The following PDLIM5 variants were observed in gnomAD, a reference collection of about 807,000 sequenced individuals.
The protein encoded by PDLIM5 is PDZ and LIM domain 5.
A neutral mutation model predicts 64.2 loss-of-function variants in PDLIM5; 34 were observed. That is an observed-to-expected ratio of 0.53 (90% confidence interval 0.40 to 0.71). The LOEUF (loss-of-function observed/expected upper bound fraction) is 0.71. Among genes scored for constraint, PDLIM5 ranks in the 30% least tolerant of loss-of-function variants. The pLI is 0.00. For synonymous variants in PDLIM5, 253 were observed against 269.1 expected (o/e 0.94, Z 0.59); for missense variants, 683 against 733.6 (o/e 0.93, Z 0.80).
chr4:94,621,118 T>A (rs1253840817), intron 8 of PDLIM5, among the ~76,000 whole-genome samples: 1 of 144,698 alleles, frequency 6.9e-6, no homozygotes, highest in African/African-American at 2.5e-5. Context: ...ATTTCTATTG[T>A]GTTGGAAAGA....
chr4:94,482,794 C>G (rs1218872048), intron 2 of PDLIM5, among the ~76,000 whole-genome samples: 1 of 152,068 alleles, frequency 6.6e-6, no homozygotes, highest in Admixed American at 6.6e-5. Flanking sequence ...GAGGCTGAGG[C>G]AGGAGAATCA....
intron 5 of PDLIM5, among the ~76,000 whole-genome samples, chr4:94,581,598 A>G (rs1242554676): frequency 6.6e-6 from 1 of 152,158 alleles, no homozygotes; most frequent in East Asian, 1.9e-4. Flanking sequence ...TGAGTTTATG[A>G]AACTGATTTT....
Position 94,665,988 on chromosome 4 carries a change from T to G in PDLIM5, c.*1921T>G. ...GCTATTTGCCCAGTGAGAAAACAGA[T>G]TCTGGTATTTGATTTGGTTTTTCTC... On this transcript the variant is annotated 3_prime_UTR_variant, in exon 13 of 13. Transcript: ENST00000317968. The G allele has an allele frequency of 6.5e-7, 1 of 1,532,724 alleles. No homozygotes were observed. Among genetic ancestry groups the G allele is most frequent in the Middle Eastern group, 1.7e-4 (1 of 5,984 alleles). The allele number at this position is 1,532,724 out of a possible 1,614,324, so 94.9% of individuals were successfully genotyped here.
intron 5 of PDLIM5, among the ~76,000 whole-genome samples, chr4:94,576,631 A>G (rs1303152125): frequency 6.6e-6 from 1 of 152,278 alleles, no homozygotes; most frequent in Non-Finnish European, 1.5e-5. Flanking sequence ...AGGCACGCTT[A>G]GAAAGCATTA....
In PDLIM5 at chr4:94,664,015, C is replaced by T. The variant is rs770229681; in HGVS notation, c.1739C>T (p.Ser580Phe). The change falls in exon 13 of 13, where the codon TCC becomes TTC. Residue 580 changes from serine (S) to phenylalanine (F), a missense_variant. Transcript: ENST00000317968. ...CESLEGQTFF[S>F]KKDKPLCKKH... ...AGTTTGGAAGGTCAGACCTTTTTCT[C>T]CAAGAAGGACAAGCCCCTGTGTAAG... 1 of 1,608,366 alleles carries T rather than the reference C, an allele frequency of 6.2e-7. No homozygotes were observed. Among genetic ancestry groups the T allele is most frequent in the Non-Finnish European group, 8.5e-7 (1 of 1,176,184 alleles).
intron 3 of PDLIM5, among the ~76,000 whole-genome samples, chr4:94,567,280 G>A (rs978220393): frequency 6.6e-6 from 1 of 152,182 alleles, no homozygotes; most frequent in Non-Finnish European, 1.5e-5. Context: ...GGGCATTTTA[G>A]TAGTGTCACA....
intron 3 of PDLIM5, among the ~76,000 whole-genome samples, chr4:94,525,214 T>C (rs1193840947): frequency 6.6e-6 from 1 of 152,094 alleles, no homozygotes; most frequent in Non-Finnish European, 1.5e-5. Context: ...AGGTCAGAAG[T>C]TTGAGACCAG....
chr4:94,470,867 A>G (rs1231023704), intron 2 of PDLIM5, among the ~76,000 whole-genome samples: 1 of 152,212 alleles, frequency 6.6e-6, no homozygotes, highest in Non-Finnish European at 1.5e-5. Flanking sequence ...GGTAATTTAT[A>G]AAGGAAAGAG....
chr4:94,457,995 G>A (rs576840326), intron 2 of PDLIM5, among the ~76,000 whole-genome samples: 2 of 152,172 alleles, frequency 1.3e-5, no homozygotes, highest in Non-Finnish European at 2.9e-5. Flanking sequence ...GAAGGGGAGG[G>A]GAAGGAGAGA....
At chr4:94,580,765 G>C (rs756456785) in intron 5 of PDLIM5, among the ~76,000 whole-genome samples, 1 of 151,952 alleles carries the variant, frequency 6.6e-6, no homozygotes, top group Non-Finnish European at 1.5e-5. Flanking sequence ...ATAGAGCTAA[G>C]ATTTGAGCCT....
intron 2 of PDLIM5, among the ~76,000 whole-genome samples, chr4:94,481,570 C>T (rs912444758): frequency 1.3e-5 from 2 of 151,474 alleles, no homozygotes; most frequent in Non-Finnish European, 2.9e-5. Context: ...CATGAGCCAC[C>T]GCTGCCAGCC....
At position 94,541,681 on chromosome 4, in the gene PDLIM5, A is replaced by G. The variant is rs1731818064; in HGVS notation, c.248+17806A>G. Among the ~76,000 whole-genome samples the G allele has an allele frequency of 2.0e-5, 3 of 152,252 alleles. No homozygotes were observed. The South Asian group carries it at 6.2e-4, about 32-fold the overall frequency. ...AGTGAGGTAATTCATTCTCCTTTCT[A>G]CTGCTTCTGCCCATGGTGAGAACAG... is the stretch of plus-strand genomic sequence containing the variant. On this transcript the variant is annotated intron_variant, in intron 3 of 12. Coordinates refer to ENST00000317968, the MANE Select transcript of PDLIM5 (RefSeq NM_006457.5).
intron 2 of PDLIM5, among the ~76,000 whole-genome samples, chr4:94,474,314 G>A (rs1725132572): frequency 6.6e-6 from 1 of 152,092 alleles, no homozygotes; most frequent in South Asian, 2.1e-4. Context: ...GCAGTGGTGC[G>A]ATCATGGCTC....
intron 2 of PDLIM5, chr4:94,457,010 G>T (rs1218086012): frequency 2.1e-6 from 2 of 969,840 alleles, no homozygotes; most frequent in Non-Finnish European, 2.5e-6. Context: ...TTAGTTAGTT[G>T]TTTCTTTAAT....
chr4:94,514,754 T>C (rs1729219115), intron 2 of PDLIM5, among the ~76,000 whole-genome samples: 1 of 152,154 alleles, frequency 6.6e-6, no homozygotes, highest in Non-Finnish European at 1.5e-5. Flanking sequence ...TTCTTCCTGG[T>C]TCAGTCTTGG....
chr4:94,486,712 A>G (rs1430563424), intron 2 of PDLIM5, among the ~76,000 whole-genome samples: 1 of 152,198 alleles, frequency 6.6e-6, no homozygotes, highest in Admixed American at 6.6e-5. Context: ...AAATAAAAAA[A>G]CAGATTAGGC....
intron 5 of PDLIM5, chr4:94,585,075 T>C (rs1736054231): frequency 3.8e-6 from 3 of 796,214 alleles, no homozygotes; most frequent in Middle Eastern, 3.0e-4. Flanking sequence ...TTTTTACTTA[T>C]AATTTAAAAG....
At chr4:94,522,035 G>T (rs914060614) in intron 2 of PDLIM5, among the ~76,000 whole-genome samples, 1 of 152,148 alleles carries the variant, frequency 6.6e-6, no homozygotes, top group African/African-American at 2.4e-5. Flanking sequence ...ATGTAACTTT[G>T]TATAGGTGGC....
At chr4:94,525,896 A>G (rs962874374) in intron 3 of PDLIM5, among the ~76,000 whole-genome samples, 1 of 152,226 alleles carries the variant, frequency 6.6e-6, no homozygotes, top group Non-Finnish European at 1.5e-5. Context: ...TTGTTTCATT[A>G]GTATTCTTCT....
Sources: allele counts gnomAD v4.1 joint callset (sites outside exome capture counted in the v4.1 genomes callset), GRCh38; gene constraint gnomAD v4.1.1; transcripts MANE v1.5; gene names NCBI Gene and HGNC (gene_info 2026-07-23, HGNC 2026-07-21).